Variants in ADK observed in about 807,000 individuals in gnomAD.
The protein encoded by ADK is N6,N6-dimethyladenosine kinase.
A neutral mutation model predicts 44.7 loss-of-function variants in ADK; 24 were observed. That is an observed-to-expected ratio of 0.54 (90% confidence interval 0.39 to 0.76). ADK has a LOEUF of 0.76. ADK is among the 30% of genes least tolerant of loss of function. The pLI, the probability that ADK is intolerant of heterozygous loss-of-function variation, is 0.00. For missense variants in ADK, 321 were observed against 425.1 expected (o/e 0.76, Z 2.15); for synonymous variants, 128 against 142.6 (o/e 0.90, Z 0.73).
chr10:74,656,088 C>T (rs1189090194), intron 9 of ADK: 1 of 409,614 alleles, frequency 2.4e-6, no homozygotes, highest in African/African-American at 2.1e-5. Flanking sequence ...GCACAAACTT[C>T]TGTGTTCCCC....
intron 9 of ADK, chr10:74,656,099 C>T (rs1417510884): frequency 1.8e-5 from 7 of 390,284 alleles, no homozygotes; most frequent in Admixed American, 3.0e-5. Flanking sequence ...TGTGTTCCCC[C>T]GATTTTGAAT....
chr10:74,693,696 C>A (rs1856070478), intron 10 of ADK, among the ~76,000 whole-genome samples: 1 of 152,162 alleles, frequency 6.6e-6, no homozygotes, highest in Non-Finnish European at 1.5e-5. Flanking sequence ...AAAGGTTGTG[C>A]TAAGGTTCCC....
At chr10:74,160,070 T>C (rs1841848757) in intron 1 of ADK, among the ~76,000 whole-genome samples, 2 of 152,200 alleles carry the variant, frequency 1.3e-5, no homozygotes, top group African/African-American at 4.8e-5. Context: ...TGTATCAGTT[T>C]TGAGAGAAAT....
At chr10:74,268,126 C>T (rs570675832) in intron 3 of ADK, among the ~76,000 whole-genome samples, 5 of 152,074 alleles carry the variant, frequency 3.3e-5, no homozygotes, top group African/African-American at 1.2e-4. Context: ...AGTTTGAGAC[C>T]GCTCTGGGCA....
intron 10 of ADK, among the ~76,000 whole-genome samples, chr10:74,702,528 C>CTTCCTTCCTTCCTTCT (rs1218126930): frequency 1.5e-5 from 2 of 134,836 alleles, no homozygotes; most frequent in Admixed American, 1.5e-4. Context: ...TCCTTCTTTC[C>CTTCCTTCCTTCCTTCT]TTCCTTCCTT....
At position 74,540,627 on chromosome 10, in the gene ADK, T is replaced by A. The variant is rs113716424; in HGVS notation, c.726+15201T>A. On this transcript the variant is annotated intron_variant, in intron 7 of 10. Coordinates refer to ENST00000539909, the MANE Select transcript of ADK (RefSeq NM_006721.4). ...GGAATGCGCCATCACACTCAGCTAA[T>A]GTTTGTATTTTTAGTAGAGATGGGG... Among the ~76,000 whole-genome samples, 768 of 152,186 alleles carry A rather than the reference T, an allele frequency of 5.0e-3. 11 individuals are homozygous for A. Among genetic ancestry groups the A allele is most frequent in the African/African-American group, 0.017 (718 of 41,528 alleles).
intron 2 of ADK, among the ~76,000 whole-genome samples, chr10:74,207,799 G>A (rs1247140715): frequency 6.6e-6 from 1 of 152,146 alleles, no homozygotes; most frequent in Non-Finnish European, 1.5e-5. Context: ...CATGCTTCAG[G>A]CTGTCCCTGG....
chr10:74,289,263 G>A (rs1362451972), intron 3 of ADK, among the ~76,000 whole-genome samples: 2 of 152,030 alleles, frequency 1.3e-5, no homozygotes, highest in African/African-American at 4.8e-5. Flanking sequence ...TTGTTGCCCA[G>A]GCTGGTCTTG....
At chr10:74,213,132 G>A (rs1050497086) in intron 2 of ADK, among the ~76,000 whole-genome samples, 21 of 152,164 alleles carry the variant, frequency 1.4e-4, no homozygotes, top group Admixed American at 3.9e-4. Flanking sequence ...TCTGGAGACA[G>A]GGTCTTGCTG....
intron 9 of ADK, among the ~76,000 whole-genome samples, chr10:74,669,204 TCTATGCTCTTTATTAATA>T (rs796615693): frequency 1.3e-4 from 19 of 151,968 alleles, no homozygotes; most frequent in African/African-American, 4.6e-4. Context: ...TTGAAGATTC[TCTATGCTCTTTATTAATA>T]CCTTTCTTAA....
intron 3 of ADK, among the ~76,000 whole-genome samples, 173 bp downstream of exon 3, chr10:74,224,764 G>A (rs771541515): frequency 2.0e-5 from 3 of 152,112 alleles, no homozygotes; most frequent in South Asian, 4.1e-4. Flanking sequence ...ACTACATAAA[G>A]TTTACACAGG....
chr10:74,706,594 TTGATCTATTTG>T (rs1433928669), intron 10 of ADK, among the ~76,000 whole-genome samples: 1 of 152,240 alleles, frequency 6.6e-6, no homozygotes, highest in Non-Finnish European at 1.5e-5. Context: ...TTCAGTTCCA[TTGATCTATTTG>T]TCTATATGCT....
intron 4 of ADK, among the ~76,000 whole-genome samples, chr10:74,380,908 C>T (rs189632342): frequency 3.9e-5 from 6 of 152,274 alleles, no homozygotes; most frequent in Admixed American, 2.0e-4. Context: ...CCCGCACCCT[C>T]ACCCTGTTTT....
chr10:74,660,354 A>T (rs1282527586), intron 9 of ADK, among the ~76,000 whole-genome samples: 8 of 152,096 alleles, frequency 5.3e-5, no homozygotes, highest in Non-Finnish European at 8.8e-5. Flanking sequence ...CTGGTCTCGA[A>T]CTTATTAGCT....
chr10:74,497,982 C>T (rs368013643), intron 6 of ADK, among the ~76,000 whole-genome samples: 7 of 152,028 alleles, frequency 4.6e-5, no homozygotes, highest in African/African-American at 1.7e-4. Flanking sequence ...CTCCGCCTCC[C>T]GGGTTCATGC....
chr10:74,658,904 A>G (rs1314659840), intron 9 of ADK, among the ~76,000 whole-genome samples: 4 of 152,014 alleles, frequency 2.6e-5, no homozygotes, highest in Non-Finnish European at 4.4e-5. Flanking sequence ...ACACATATAT[A>G]CACGTGCATA....
At chr10:74,500,988 C>G (rs1363250988) in intron 6 of ADK, among the ~76,000 whole-genome samples, 1 of 152,162 alleles carries the variant, frequency 6.6e-6, no homozygotes, top group African/African-American at 2.4e-5. Flanking sequence ...AATGATTTCA[C>G]ATTTAGCTTT....
chr10:74,610,202 G>A (rs73276262), intron 9 of ADK, among the ~76,000 whole-genome samples: 5,083 of 152,172 alleles, frequency 0.033, 317 homozygotes, highest in African/African-American at 0.12. Flanking sequence ...TAAATAAAAT[G>A]TGATATATAC....
chr10:74,583,048 C>T (rs1032302665), intron 7 of ADK, among the ~76,000 whole-genome samples: 3 of 152,140 alleles, frequency 2.0e-5, no homozygotes, highest in African/African-American at 7.2e-5. Flanking sequence ...TAGTATAATA[C>T]TAACGTGGTA....
Sources: gnomAD v4.1 joint callset for allele counts (sites outside exome capture counted in the v4.1 genomes callset) on GRCh38, gnomAD v4.1.1 for gene constraint, MANE v1.5 for transcripts, NCBI Gene and HGNC (gene_info 2026-07-23, HGNC 2026-07-21) for gene names.